Variants in RASEF observed in about 807,000 individuals in gnomAD.
RASEF encodes ras and EF-hand domain-containing protein.
Under a neutral mutation model 90.1 loss-of-function variants are expected in RASEF, and 68 were observed. That is an observed-to-expected ratio of 0.75 (90% CI 0.62 to 0.92). The LOEUF (loss-of-function observed/expected upper bound fraction) is 0.92. RASEF is among the 40% of genes least tolerant of loss of function. RASEF has a pLI of 0.00. For missense variants in RASEF, 949 were observed against 937.2 expected (o/e 1.01, Z -0.16); for synonymous variants, 331 against 345.2 (o/e 0.96, Z 0.46).
chr9:83,025,894 T>G lies in RASEF; in HGVS notation c.459A>C (p.Gln153His), dbSNP rs1306464628. ...PREEQVSTLY[Q>H]NINLVEPRLI... ...ATCTTGGCTCCACAAGGTTGATGTTTTGGTACAAGGTACTAACTTGCTCTT... is the reference window on the plus strand; with the variant it reads ...ATCTTGGCTCCACAAGGTTGATGTTGTGGTACAAGGTACTAACTTGCTCTT... The change falls in exon 2 of 17, where the codon CAA becomes CAC. Residue 153 changes from glutamine to histidine, a missense_variant. Coordinates refer to ENST00000376447, the MANE Select transcript of RASEF (RefSeq NM_152573.4). 6.2e-7 allele frequency: 1 copy of G among 1,613,450 alleles called. No homozygotes were observed. The highest frequency in any genetic ancestry group is 8.5e-7 in the Non-Finnish European group (1 of 1,179,648).
the RASEF span, among the ~76,000 whole-genome samples, chr9:83,096,341 A>AT: frequency 6.6e-6 from 1 of 152,194 alleles, no homozygotes; most frequent in Non-Finnish European, 1.5e-5. Context: ...GTGATCTAAG[A>AT]TTACAAGAAT....
chr9:83,135,326 A>C, the RASEF span, among the ~76,000 whole-genome samples: 1 of 152,126 alleles, frequency 6.6e-6, no homozygotes, highest in South Asian at 2.1e-4. Context: ...GAAGGGGAAC[A>C]GCACACACCG....
At chr9:83,118,624 G>T in the RASEF span, among the ~76,000 whole-genome samples, 3 of 152,126 alleles carry the variant, frequency 2.0e-5, no homozygotes. Flanking sequence ...GAAGGATATG[G>T]AATATTCCTG....
the RASEF span, among the ~76,000 whole-genome samples, chr9:83,150,329 C>T: frequency 1.3e-5 from 2 of 152,102 alleles, no homozygotes; most frequent in African/African-American, 2.4e-5. Context: ...AAGTGTGGTA[C>T]TGAAAGTTTC....
chr9:83,093,647 G>A, the RASEF span, among the ~76,000 whole-genome samples: 63,656 of 152,092 alleles, frequency 0.42, 13,738 homozygotes, highest in East Asian at 0.7. Context: ...CAGCTGGCCC[G>A]CAAGGGCCGC....
At chr9:83,089,281 TA>T in the RASEF span, among the ~76,000 whole-genome samples, 1 of 152,018 alleles carries the variant, frequency 6.6e-6, no homozygotes, top group African/African-American at 2.4e-5. Context: ...TTGTTTTACA[TA>T]GAGTTTTAAA....
In RASEF at chr9:83,062,597, C is replaced by A; in HGVS notation, c.271G>T (p.Ala91Ser). Residue 91 changes from alanine to serine, a missense_variant, in exon 1 of 17, where the codon GCC becomes TCC. This residue lies in a region of RASEF where 656 missense variants were observed against 592.2 expected (regional missense o/e 1.11). Transcript: ENST00000376447. ...GTCTCCGGCCCCGCCTCAGACACGG[C>A]GGGCGCGGGATCCAGAGGACCCCAG... ...RDWGPLDPAP[A>S]VSEAGPETHD... 1.3e-6 allele frequency: 2 copies of A among 1,571,700 alleles called. No homozygotes were observed. The highest frequency in any genetic ancestry group is 1.4e-5 in the African/African-American group (1 of 73,962).
At chr9:83,214,282 A>C in the RASEF span, among the ~76,000 whole-genome samples, 1 of 152,136 alleles carries the variant, frequency 6.6e-6, no homozygotes, top group Non-Finnish European at 1.5e-5. Flanking sequence ...TACTCAAGAG[A>C]CTGAGGCATG....
the RASEF span, among the ~76,000 whole-genome samples, chr9:83,068,568 A>G: frequency 6.6e-6 from 1 of 152,184 alleles, no homozygotes; most frequent in East Asian, 1.9e-4. Context: ...AACAACCTGA[A>G]TGAACTTGGC....
At chr9:83,079,167 G>C in the RASEF span, among the ~76,000 whole-genome samples, 2,129 of 152,198 alleles carry the variant, frequency 0.014, 53 homozygotes, top group African/African-American at 0.048. Context: ...TTGTCTTTCA[G>C]GGTTCCTATA....
At chr9:83,215,450 C>T in the RASEF span, among the ~76,000 whole-genome samples, 5 of 152,306 alleles carry the variant, frequency 3.3e-5, no homozygotes, top group Admixed American at 2.6e-4. Flanking sequence ...GTAGACACTA[C>T]CACAGGGCTG....
chr9:83,076,560 T>C, the RASEF span, among the ~76,000 whole-genome samples: 2 of 104,344 alleles, frequency 1.9e-5, no homozygotes, highest in Admixed American at 1.7e-4. Flanking sequence ...TATTATGTCC[T>C]TTCAGCTCTC....
chr9:83,197,393 C>G, the RASEF span, among the ~76,000 whole-genome samples: 26,532 of 152,144 alleles, frequency 0.17, 2,560 homozygotes, highest in Admixed American at 0.24. Context: ...AGGTACCAAG[C>G]TCACTGAGGC....
chr9:83,038,364 T>C (rs536670108), intron 1 of RASEF, among the ~76,000 whole-genome samples: 1 of 131,372 alleles, frequency 7.6e-6, no homozygotes, highest in South Asian at 2.5e-4. Flanking sequence ...GAGTGTCTTC[T>C]TAATTAAAAA....
At chr9:83,078,523 G>T in the RASEF span, among the ~76,000 whole-genome samples, 105 of 152,222 alleles carry the variant, frequency 6.9e-4, no homozygotes, top group African/African-American at 2.2e-3. Context: ...AATTGGTCGG[G>T]CGTGGTGGCG....
chr9:83,129,588 T>C, the RASEF span, among the ~76,000 whole-genome samples: 1 of 152,216 alleles, frequency 6.6e-6, no homozygotes, highest in Non-Finnish European at 1.5e-5. Flanking sequence ...TGATATTAAA[T>C]AGAAGCTTCA....
At chr9:83,053,745 G>A (rs1378808959) in intron 1 of RASEF, among the ~76,000 whole-genome samples, 4 of 146,306 alleles carry the variant, frequency 2.7e-5, no homozygotes, top group African/African-American at 1.1e-4. Context: ...GCCTGGTGGT[G>A]ACAAAATCTC....
At chr9:83,211,337 T>C in the RASEF span, among the ~76,000 whole-genome samples, 2 of 152,174 alleles carry the variant, frequency 1.3e-5, no homozygotes, top group Admixed American at 1.3e-4. Context: ...ATGTGCTTCA[T>C]AAATAACTGA....
Position 83,022,357 on chromosome 9 carries a change from T to C in RASEF, c.648A>G (p.Ala216=), listed in dbSNP as rs764670287. Residue 216 remains alanine (A), a synonymous_variant, in exon 3 of 17, where the codon GCA becomes GCG. Coordinates refer to ENST00000376447, the MANE Select transcript of RASEF (RefSeq NM_152573.4). ...TCACGTCTTTCCGTGTCTTATGTTC[T>C]GCAGCCTGAATCCTCTGATCCATTT... is the stretch of plus-strand genomic sequence containing the variant. The part of the protein sequence containing the change: ...EEEMDQRIQA[A]EHKTRKDEKR... 15 of 1,614,032 alleles carry C rather than the reference T, an allele frequency of 9.3e-6. No homozygotes were observed. Among genetic ancestry groups the C allele is most frequent in the Admixed American group, 1.7e-5 (1 of 60,018 alleles).
Sources: gnomAD v4.1 joint callset for allele counts (sites outside exome capture counted in the v4.1 genomes callset) on GRCh38, gnomAD v4.1.1 for gene constraint, gnomAD v4.1.1 regional missense constraint, MANE v1.5 for transcripts, NCBI Gene and HGNC (gene_info 2026-07-23, HGNC 2026-07-21) for gene names.